Variants in TRERF1 observed in about 807,000 individuals in gnomAD.
TRERF1 encodes transcriptional regulating factor 1.
TRERF1 carries 27 observed loss-of-function variants against 122.9 expected under a neutral mutation model. The observed-to-expected ratio is 0.22, with a 90% CI of 0.16 to 0.30. The LOEUF (loss-of-function observed/expected upper bound fraction) is 0.30, where lower values mean the gene tolerates loss of function less well. Among genes scored for constraint, TRERF1 ranks in the 10% least tolerant of loss-of-function variants. The pLI, the probability that TRERF1 is intolerant of heterozygous loss-of-function variation, is 1.00. For missense variants in TRERF1, 1,248 were observed against 1,560.3 expected, an observed-to-expected ratio of 0.80 and a Z score of 3.37; for synonymous variants, 636 against 641.7, an observed-to-expected ratio of 0.99 and a Z score of 0.13.
At chr6:42,246,252 C>T (rs1464745109) in intron 14 of TRERF1, among the ~76,000 whole-genome samples, 4 of 152,146 alleles carry the variant, frequency 2.6e-5, no homozygotes, top group South Asian at 2.1e-4. Context: ...AGATAATCTA[C>T]GCCTTCTTTC....
chr6:42,340,048 A>G lies in TRERF1; in HGVS notation c.-371+22949T>C, dbSNP rs146648102. Among the ~76,000 whole-genome samples, 178 of 152,244 alleles carry G rather than the reference A, an allele frequency of 1.2e-3. 2 individuals carry two copies. The highest frequency in any genetic ancestry group is 4.1e-3 in the African/African-American group (172 of 41,544). On this transcript the variant is annotated intron_variant, in intron 3 of 17. Coordinates refer to ENST00000372922, the Ensembl canonical transcript of TRERF1. ...ATGGCACCACGTCTTTCCACCCTGC[A>G]CCCACCCCAGGGCTAAGTCTTGTCC...
intron 2 of TRERF1, among the ~76,000 whole-genome samples, chr6:42,379,966 C>T (rs773846794): frequency 3.9e-5 from 6 of 152,028 alleles, no homozygotes; most frequent in East Asian, 3.8e-4. Context: ...CCATGCCAGA[C>T]GGTGATAAAG....
intron 2 of TRERF1, among the ~76,000 whole-genome samples, chr6:42,369,431 G>T (rs781267838): frequency 1.3e-5 from 2 of 152,056 alleles, no homozygotes; most frequent in African/African-American, 4.8e-5. Flanking sequence ...GCAACAGAGC[G>T]AGACTCCAAC....
intron 3 of TRERF1, among the ~76,000 whole-genome samples, chr6:42,343,740 C>A (rs1217534326): frequency 6.6e-6 from 1 of 152,198 alleles, no homozygotes; most frequent in Non-Finnish European, 1.5e-5. Context: ...TGCTGTTTTT[C>A]AACAATCTAC....
At chr6:42,408,679 T>C (rs1780671699) in intron 2 of TRERF1, among the ~76,000 whole-genome samples, 1 of 151,834 alleles carries the variant, frequency 6.6e-6, no homozygotes, top group Non-Finnish European at 1.5e-5. Context: ...CACCCTGACA[T>C]CCTTTAACAT....
chr6:42,275,081 T>C lies in TRERF1; in HGVS notation c.-258-5233A>G, dbSNP rs1178180235. ...TGCACAGCCCGTCTTATACAGATGG[T>C]AGCGTGCTACGCCGTGGTTTAGCAT... is the stretch of plus-strand genomic sequence containing the variant. On this transcript the variant is annotated intron_variant, in intron 4 of 17. Transcript: ENST00000372922. The surrounding 1 kb of genome is among the most constrained non-coding windows in gnomAD (Gnocchi z 4.1). Among the ~76,000 whole-genome samples, 1 of 152,262 alleles carries C rather than the reference T, an allele frequency of 6.6e-6. No homozygotes were observed. Among genetic ancestry groups the C allele is most frequent in the Non-Finnish European group, 1.5e-5 (1 of 68,048 alleles).
At chr6:42,412,645 T>A (rs1165276148) in intron 2 of TRERF1, among the ~76,000 whole-genome samples, 4 of 152,030 alleles carry the variant, frequency 2.6e-5, no homozygotes, top group Non-Finnish European at 5.9e-5. Flanking sequence ...AGCTCAGTGG[T>A]GGGGCATGAC....
intron 2 of TRERF1, among the ~76,000 whole-genome samples, chr6:42,371,883 C>T (rs550483403): frequency 6.6e-6 from 1 of 152,244 alleles, no homozygotes; most frequent in South Asian, 2.1e-4. Flanking sequence ...TTTTCCCTCC[C>T]TCAAAATCTC....
At chr6:42,359,000 T>C (rs923337563) in intron 3 of TRERF1, among the ~76,000 whole-genome samples, 1 of 152,116 alleles carries the variant, frequency 6.6e-6, no homozygotes, top group Non-Finnish European at 1.5e-5. Context: ...ATGAAGAATG[T>C]AGTCTTCAAA....
At chr6:42,418,098 A>G (rs1003134097) in intron 2 of TRERF1, among the ~76,000 whole-genome samples, 2 of 152,240 alleles carry the variant, frequency 1.3e-5, no homozygotes, top group African/African-American at 2.4e-5. Flanking sequence ...CGTGCACCCA[A>G]TCACCTGAAG....
In TRERF1 at chr6:42,264,992, C is replaced by T. The variant is rs77693538; in HGVS notation, c.1485-138G>A. The T allele has an allele frequency of 2.8e-3, 2,558 of 907,404 alleles. 44 individuals are homozygous for T. In the African/African-American group the frequency reaches 0.036, roughly 13 times the overall value. 56.2% of individuals were successfully genotyped at this position (907,404 alleles called of 1,614,324 possible). On this transcript the variant is annotated intron_variant, in intron 6 of 17. Coordinates refer to ENST00000372922, the Ensembl canonical transcript of TRERF1. ...CCATTGTCCATGGCACCACTTGTAT[C>T]ACCCCAGTGCCCTTTAGAGAACAAA...
In TRERF1 at chr6:42,263,578, C is replaced by T. The variant is rs1778640340; in HGVS notation, c.1636-10G>A. ...CCTTCTCTCCTTCCTCCTACACAGA[C>T]AATAAAGGCTTTGATCCTGGGCTGA... On this transcript the variant is annotated splice_polypyrimidine_tract_variant and intron_variant, in intron 7 of 17. Coordinates refer to ENST00000372922, the Ensembl canonical transcript of TRERF1. The surrounding 1 kb of genome is among the most constrained non-coding windows in gnomAD (Gnocchi z 5.6). 2.0e-6 allele frequency: 3 copies of T among 1,497,320 alleles called. No individual in the cohort carries two copies. The highest frequency in any genetic ancestry group is 2.7e-6 in the Non-Finnish European group (3 of 1,122,172). 92.8% of individuals were successfully genotyped at this position (1,497,320 alleles called of 1,614,324 possible). A position where few individuals can be genotyped will look rare whatever the true frequency, so the allele number is the denominator to read the frequency against.
Position 42,332,367 on chromosome 6 carries a change from C to G in TRERF1, c.-371+30630G>C, listed in dbSNP as rs1160156191. Among the ~76,000 whole-genome samples the G allele has an allele frequency of 2.6e-5, 4 of 152,210 alleles. No individual in the cohort carries two copies. In the East Asian group the frequency reaches 7.7e-4, roughly 29 times the overall value. Reference sequence around the variant, plus strand: ...GCCCACTCCAACATTTCCTTAGATCCCTATAGACAGAAAACAACTCAGAAA... The same window carrying G: ...GCCCACTCCAACATTTCCTTAGATCGCTATAGACAGAAAACAACTCAGAAA... On this transcript the variant is annotated intron_variant, in intron 3 of 17. Transcript: ENST00000372922.
intron 3 of TRERF1, among the ~76,000 whole-genome samples, chr6:42,332,305 G>C (rs372950460): frequency 2.0e-4 from 31 of 152,386 alleles, no homozygotes; most frequent in African/African-American, 7.2e-4. Flanking sequence ...GAGACAAGGT[G>C]AGGTGTAGCA....
At chr6:42,249,976 A>G (rs779597839) in intron 13 of TRERF1, among the ~76,000 whole-genome samples, 1 of 152,204 alleles carries the variant, frequency 6.6e-6, no homozygotes, top group Admixed American at 6.5e-5. Flanking sequence ...TTGGACAGAT[A>G]AATAACATAT....
intron 3 of TRERF1, among the ~76,000 whole-genome samples, chr6:42,319,603 C>G (rs1763053437): frequency 6.6e-6 from 1 of 152,084 alleles, no homozygotes; most frequent in Non-Finnish European, 1.5e-5. Flanking sequence ...AGGAGGATCA[C>G]TTGAGCCCAG....
chr6:42,236,090 T>C, intron 16 of TRERF1, 115 bp downstream of exon 16: 1 of 1,438,028 alleles, frequency 7.0e-7, no homozygotes, highest in Non-Finnish European at 9.1e-7. Flanking sequence ...GAGCACCCTC[T>C]GCCAAACTGT....
chr6:42,382,461 C>G (rs1299859743), intron 2 of TRERF1, among the ~76,000 whole-genome samples: 3 of 149,152 alleles, frequency 2.0e-5, no homozygotes, highest in Non-Finnish European at 3.0e-5. Flanking sequence ...TAGGGTGGAA[C>G]CAGTGGTCAC....
chr6:42,445,267 CA>C (rs35676953), intron 2 of TRERF1, among the ~76,000 whole-genome samples: 88,039 of 131,028 alleles, frequency 0.67, 29,321 homozygotes, highest in Middle Eastern at 0.73. Flanking sequence ...GACTCCATCT[CA>C]AAAAAAAAAA....
Sources: allele counts gnomAD v4.1 joint callset (sites outside exome capture counted in the v4.1 genomes callset), GRCh38; gene constraint gnomAD v4.1.1; non-coding constraint Gnocchi (gnomAD v3.1); transcripts MANE v1.5; gene names NCBI Gene and HGNC (gene_info 2026-07-23, HGNC 2026-07-21).